The following RGPD3 variants were observed in gnomAD, a reference collection of about 807,000 sequenced individuals.
RGPD3 encodes ranBP2-like and GRIP domain-containing protein 3.
RGPD3 carries 62 observed loss-of-function variants against 154.5 expected under a neutral mutation model. The ratio of observed to expected loss-of-function variants is 0.40; its 90% CI spans 0.33 to 0.50. The LOEUF (loss-of-function observed/expected upper bound fraction) is 0.50. RGPD3 is among the 20% of genes least tolerant of loss of function. The probability of loss-of-function intolerance (pLI) is 0.59; values close to 1 mark genes in which losing one functional copy is unlikely to be tolerated. For missense variants in RGPD3, 919 were observed against 1,716.8 expected (o/e 0.54, Z 8.21); for synonymous variants, 308 against 607.0 (o/e 0.51, Z 7.24).
In RGPD3 at chr2:106,403,789, G is replaced by C. The variant is rs1397251828; in HGVS notation, c.*1430C>G. On this transcript the variant is annotated 3_prime_UTR_variant, in exon 23 of 23. Transcript: ENST00000409886. ...CGAGATATATGAGATATTTTTTAAA[G>C]AACAAACTCAACATATCAGCAGCAA... is the stretch of plus-strand genomic sequence containing the variant. 6.6e-6 allele frequency among the ~76,000 whole-genome samples: 1 copy of C among 152,240 alleles called. No individual in the cohort carries two copies. Among genetic ancestry groups the C allele is most frequent in the African/African-American group, 2.4e-5 (1 of 41,480 alleles).
chr2:106,467,703 C>A lies in RGPD3; in HGVS notation c.72+514G>T, dbSNP rs1201401001. ...ACGCCTGAGCCATCGAGGCAGCCGC[C>A]GGGCCAGGTCGAGGCCGCCGCCTCA... On this transcript the variant is annotated intron_variant, in intron 1 of 22. Coordinates refer to ENST00000409886, the MANE Select transcript of RGPD3 (RefSeq NM_001144013.2). 4.2e-3 allele frequency among the ~76,000 whole-genome samples: 493 copies of A among 118,602 alleles called. 2 individuals carry two copies. The highest frequency in any genetic ancestry group is 6.1e-3 in the Admixed American group (72 of 11,824). 77.8% of individuals were successfully genotyped at this position (118,602 alleles called of 152,430 possible).
chr2:106,457,105 G>A lies in RGPD3; in HGVS notation c.271C>T (p.Pro91Ser), dbSNP rs1285996164. 1.9e-6 allele frequency: 3 copies of A among 1,610,592 alleles called. No individual in the cohort carries two copies. Among genetic ancestry groups the A allele is most frequent in the East Asian group, 2.2e-5 (1 of 44,772 alleles). ...ECYRRSVELN[P>S]TQKDLVLKIA... ...TTCAACACAAGATCTTTTTGTGTTG[G>A]GTTTAATTCCACTGAACGCTAATAT... is the stretch of plus-strand genomic sequence containing the variant. Residue 91 changes from proline to serine, a missense_variant, in exon 4 of 23, where the codon CCA becomes TCA. By Grantham distance (74) the Pro-to-Ser change is moderately conservative. Coordinates refer to ENST00000409886, the MANE Select transcript of RGPD3 (RefSeq NM_001144013.2).
At chr2:106,451,717 T>C (rs1400821239) in intron 6 of RGPD3, among the ~76,000 whole-genome samples, 1 of 151,596 alleles carries the variant, frequency 6.6e-6, no homozygotes, top group African/African-American at 2.4e-5. Flanking sequence ...GTTTTCAAAA[T>C]CAAAATTTAG....
At position 106,424,235 on chromosome 2, in the gene RGPD3, C is replaced by T. The variant is rs760219195; in HGVS notation, c.3732G>A (p.Gly1244=). The T allele has an allele frequency of 6.2e-6, 10 of 1,611,852 alleles. No homozygotes were observed. In the Admixed American group the frequency reaches 1.5e-4, roughly 24 times the overall value. ...CATAGTTATCCCATTCTAATGTGGG[C>T]CCAGTGTTTTCAGCATTGGGTTTTA... The part of the protein sequence containing the change: ...TTIKPNAENT[G]PTLEWDNYDL... The change falls in exon 20 of 23, where the codon GGG becomes GGA. Residue 1244 remains glycine, a synonymous_variant. Transcript: ENST00000409886.
chr2:106,412,408 C>A (rs1676703939), intron 22 of RGPD3, among the ~76,000 whole-genome samples: 1 of 141,294 alleles, frequency 7.1e-6, no homozygotes, highest in African/African-American at 2.6e-5. Context: ...CTCGTGAGTT[C>A]AAGTGACTCT....
chr2:106,415,881 G>A lies in RGPD3; in HGVS notation c.5033C>T (p.Ala1678Val), dbSNP rs758156412. The change falls in exon 21 of 23, where the codon GCA becomes GTA. Residue 1678 changes from alanine (A) to valine (V), a missense_variant. Physicochemically the swap from Ala to Val is moderately conservative, Grantham distance 64 (BLOSUM62 0). Coordinates refer to ENST00000409886, the MANE Select transcript of RGPD3 (RefSeq NM_001144013.2). ...TTGCTCCATAAGGACTGCATTGGTT[G>A]CCTCTATTTCCCGAAGCAGGCCGTT... ...HLNGLLREIE[A>V]TNAVLMEQIK... 17 of 1,611,762 alleles carry A rather than the reference G, an allele frequency of 1.1e-5. No individual in the cohort carries two copies. Among genetic ancestry groups the A allele is most frequent in the Non-Finnish European group, 1.4e-5 (17 of 1,179,836 alleles).
At chr2:106,436,328 T>C (rs1677551064) in intron 11 of RGPD3, 82 bp from the exon 12 acceptor site, 20 of 1,610,652 alleles carry the variant, frequency 1.2e-5, no homozygotes, top group Middle Eastern at 2.2e-4. Flanking sequence ...ATGGGTCACA[T>C]GACAAATTAA....
intron 1 of RGPD3, 46 bp downstream of exon 1, chr2:106,468,171 C>G: frequency 6.4e-7 from 1 of 1,561,748 alleles, no homozygotes; most frequent in Non-Finnish European, 8.7e-7. Context: ...GTCGAGGCCG[C>G]CGCCCGGCCA....
chr2:106,417,811 A>G lies in RGPD3; in HGVS notation c.4925-1822T>C, dbSNP rs371335012. Among the ~76,000 whole-genome samples the G allele has an allele frequency of 1.9e-3, 289 of 151,626 alleles. 2 individuals are homozygous for G. Among genetic ancestry groups the G allele is most frequent in the Non-Finnish European group, 1.6e-3 (106 of 68,024 alleles). On this transcript the variant is annotated intron_variant, in intron 20 of 22. Transcript: ENST00000409886. ...TATAAGATAAGTGAAAGGTGTATGAAGAATTGCTAAAACATTTCTTAAAAT... is the reference window on the plus strand; with the variant it reads ...TATAAGATAAGTGAAAGGTGTATGAGGAATTGCTAAAACATTTCTTAAAAT...
Position 106,436,592 on chromosome 2 carries a change from G to C in RGPD3, c.1459-3C>G. 6.2e-7 allele frequency: 1 copy of C among 1,611,692 alleles called. No individual in the cohort carries two copies. Among genetic ancestry groups the C allele is most frequent in the Non-Finnish European group, 8.5e-7 (1 of 1,179,806 alleles). ...TATACTACTCCAAGGAGAAATACCT[G>C]TTTCATTTAAGGAAAAGTTAAGTTA... On this transcript the variant is annotated splice_region_variant and splice_polypyrimidine_tract_variant and intron_variant, in intron 10 of 22. Transcript: ENST00000409886.
intron 7 of RGPD3, among the ~76,000 whole-genome samples, chr2:106,445,317 A>T: frequency 6.6e-6 from 1 of 151,732 alleles, no homozygotes; most frequent in Non-Finnish European, 1.5e-5. Flanking sequence ...AAATAAAAAT[A>T]AGAACTATCA....
chr2:106,421,448 A>T (rs1003312785), intron 20 of RGPD3, among the ~76,000 whole-genome samples: 4 of 150,686 alleles, frequency 2.7e-5, no homozygotes, highest in African/African-American at 4.9e-5. Context: ...TGGTATAATT[A>T]AAAAAAAATC....
chr2:106,413,239 T>A lies in RGPD3; in HGVS notation c.5111A>T (p.Glu1704Val). 1 of 1,611,998 alleles carries A rather than the reference T, an allele frequency of 6.2e-7. No individual in the cohort carries two copies. Among genetic ancestry groups the A allele is most frequent in the Non-Finnish European group, 8.5e-7 (1 of 1,179,852 alleles). The stretch of plus-strand genomic sequence containing the variant: ...GTGTTCCACGTTAGCTGCAGACACC[T>A]CTTGCTCTTGATTCCTTTCCAATCT... ...IRRLERNQEQEVSAANVEHLK... is the reference protein window; with the variant it reads ...IRRLERNQEQVVSAANVEHLK... The change falls in exon 22 of 23, where the codon GAG (glutamate) becomes GTG (valine). Residue 1704 changes from glutamate to valine, a missense_variant. Physicochemically the swap from Glu to Val is moderately radical, Grantham distance 121 (BLOSUM62 -2). Coordinates refer to ENST00000409886, the MANE Select transcript of RGPD3 (RefSeq NM_001144013.2).
chr2:106,446,368 C>A (rs1401431311), intron 7 of RGPD3, among the ~76,000 whole-genome samples: 1 of 151,914 alleles, frequency 6.6e-6, no homozygotes, highest in Admixed American at 6.6e-5. Context: ...GAGATTGAGA[C>A]CATCCTGGCT....
intron 22 of RGPD3, among the ~76,000 whole-genome samples, chr2:106,408,569 C>T (rs901350014): frequency 3.6e-5 from 5 of 139,484 alleles, no homozygotes; most frequent in Non-Finnish European, 6.2e-5. Context: ...TACCAACACT[C>T]ATGTATATAT....
At position 106,468,309 on chromosome 2, in the gene RGPD3, C is replaced by A. The variant is rs764026901; in HGVS notation, c.-21G>T. 9 of 1,597,212 alleles carry A rather than the reference C, an allele frequency of 5.6e-6. No homozygotes were observed. Among genetic ancestry groups the A allele is most frequent in the East Asian group, 2.3e-5 (1 of 44,174 alleles). On this transcript the variant is annotated 5_prime_UTR_variant, in exon 1 of 23. Coordinates refer to ENST00000409886, the MANE Select transcript of RGPD3 (RefSeq NM_001144013.2). Reference sequence around the variant, plus strand: ...CTCATCGCGCCACCAACCTGGCTCCCGAGATGCGTGAGACCAGCGCTCAGC... The same window carrying A: ...CTCATCGCGCCACCAACCTGGCTCCAGAGATGCGTGAGACCAGCGCTCAGC...
chr2:106,466,894 C>G (rs1206235845), intron 1 of RGPD3, among the ~76,000 whole-genome samples: 7 of 103,734 alleles, frequency 6.7e-5, no homozygotes, highest in South Asian at 8.5e-4. Flanking sequence ...CGGGCCGGGT[C>G]GAGGCCGCCG....
At chr2:106,450,085 T>C (rs539741551) in intron 6 of RGPD3, among the ~76,000 whole-genome samples, 3 of 124,340 alleles carry the variant, frequency 2.4e-5, no homozygotes, top group Non-Finnish European at 3.4e-5. Flanking sequence ...AATACAAAAA[T>C]TAGCCAGGTG....
At chr2:106,462,720 G>A (rs62152538) in intron 1 of RGPD3, among the ~76,000 whole-genome samples, 23,677 of 151,878 alleles carry the variant, frequency 0.16, 2,125 homozygotes, top group South Asian at 0.19. Flanking sequence ...GTCTCGCTCT[G>A]TCACCCATCT....
Sources: gnomAD v4.1 joint callset for allele counts (sites outside exome capture counted in the v4.1 genomes callset) on GRCh38, gnomAD v4.1.1 for gene constraint, MANE v1.5 for transcripts, NCBI Gene and HGNC (gene_info 2026-07-23, HGNC 2026-07-21) for gene names.